The following TSC22D1 variants were observed in gnomAD, a reference collection of about 807,000 sequenced individuals.
The protein encoded by TSC22D1 is TSC22 domain family member 1.
In TSC22D1, 9 loss-of-function variants were observed where a neutral mutation model predicts 74.2. The observed-to-expected ratio is 0.12, with a 90% CI of 0.07 to 0.21. TSC22D1 has a LOEUF of 0.21. Ranked by LOEUF, TSC22D1 falls within the 10% of genes least tolerant of loss-of-function variation. The pLI is 1.00. For missense variants in TSC22D1, 1,427 were observed against 1,304.7 expected (o/e 1.09, Z -1.44); for synonymous variants, 586 against 492.5 (o/e 1.19, Z -2.51).
chr13:44,517,385 T>G (rs1880046657), intron 1 of TSC22D1, among the ~76,000 whole-genome samples: 1 of 150,400 alleles, frequency 6.6e-6, no homozygotes, highest in Non-Finnish European at 1.5e-5. Context: ...TCACAAAAAT[T>G]GGGTAAAGAT....
intron 1 of TSC22D1, among the ~76,000 whole-genome samples, chr13:44,564,059 A>G (rs1883212392): frequency 6.6e-6 from 1 of 152,196 alleles, no homozygotes; most frequent in Non-Finnish European, 1.5e-5. Context: ...TAAATCAGTT[A>G]ATTCTCTCTT....
intron 1 of TSC22D1, among the ~76,000 whole-genome samples, chr13:44,508,471 A>G (rs1380316614): frequency 2.0e-5 from 3 of 152,192 alleles, no homozygotes; most frequent in African/African-American, 7.2e-5. Flanking sequence ...TTTTTTAAAA[A>G]AAGGAAACGA....
intron 1 of TSC22D1, among the ~76,000 whole-genome samples, chr13:44,510,510 T>G (rs1688863745): frequency 6.6e-6 from 1 of 152,238 alleles, no homozygotes; most frequent in Non-Finnish European, 1.5e-5. Flanking sequence ...TGAATGTTCT[T>G]CACAGCACTA....
Position 44,567,760 on chromosome 13 carries a change from G to A in TSC22D1, c.2912+5403C>T, listed in dbSNP as rs4942342. ...ATCCAAATAAGAGGAGTTTAAGAGAGAAAAAATAGAAAGACATAATCAACA... is the reference window on the plus strand; with the variant it reads ...ATCCAAATAAGAGGAGTTTAAGAGAAAAAAAATAGAAAGACATAATCAACA... On this transcript the variant is annotated intron_variant, in intron 1 of 2. Transcript: ENST00000458659. Among the ~76,000 whole-genome samples, 3 of 151,866 alleles carry A rather than the reference G, an allele frequency of 2.0e-5. 1 individual carries two copies. The highest frequency in any genetic ancestry group is 6.3e-3 in the Middle Eastern group (2 of 316).
intron 1 of TSC22D1, among the ~76,000 whole-genome samples, chr13:44,506,083 T>C (rs915884709): frequency 6.6e-6 from 1 of 152,190 alleles, no homozygotes; most frequent in Admixed American, 6.5e-5. Flanking sequence ...TCCATGCTTC[T>C]AACCACTCTG....
intron 1 of TSC22D1, among the ~76,000 whole-genome samples, chr13:44,463,244 G>T (rs1877098751): frequency 6.6e-6 from 1 of 152,060 alleles, no homozygotes; most frequent in Non-Finnish European, 1.5e-5. Context: ...AAAGCTACAT[G>T]GTATTTCCTA....
At chr13:44,538,298 A>G (rs1881267576) in intron 1 of TSC22D1, 1 of 985,238 alleles carries the variant, frequency 1.0e-6, no homozygotes, top group Non-Finnish European at 1.2e-6. Flanking sequence ...TTGATTTGAC[A>G]ATTATAATAA....
chr13:44,498,508 A>G (rs1252010229), intron 1 of TSC22D1, among the ~76,000 whole-genome samples: 1 of 152,116 alleles, frequency 6.6e-6, no homozygotes, highest in African/African-American at 2.4e-5. Flanking sequence ...CCATGCTTGG[A>G]TAATGGTTGG....
intron 1 of TSC22D1, among the ~76,000 whole-genome samples, chr13:44,507,784 T>G (rs1419335669): frequency 6.6e-6 from 1 of 152,182 alleles, no homozygotes; most frequent in Non-Finnish European, 1.5e-5. Context: ...CAACTCCCCA[T>G]GTTTGCATTC....
At chr13:44,437,863 G>A (rs767721179) in intron 1 of TSC22D1, among the ~76,000 whole-genome samples, 2 of 152,140 alleles carry the variant, frequency 1.3e-5, no homozygotes, top group Non-Finnish European at 2.9e-5. Flanking sequence ...CCAGAAAAGG[G>A]AGGATATAAT....
At chr13:44,444,454 T>C in intron 1 of TSC22D1, among the ~76,000 whole-genome samples, 1 of 151,516 alleles carries the variant, frequency 6.6e-6, no homozygotes, top group East Asian at 1.9e-4. Context: ...ACTTTAAATA[T>C]AAAAACACAA....
Position 44,574,045 on chromosome 13 carries a change from A to C in TSC22D1, c.2030T>G (p.Val677Gly). 6.2e-7 allele frequency: 1 copy of C among 1,614,066 alleles called. No homozygotes were observed. The highest frequency in any genetic ancestry group is 1.3e-5 in the African/African-American group (1 of 75,020). ...MSSGQPSSAG[V>G]GAGTTVIPVA... ...AGGAATCACTGTTGTTCCTGCTCCT[A>C]CTCCTGCAGAACTGGGCTGTCCGGA... The change falls in exon 1 of 3, where the codon GTA becomes GGA. Residue 677 changes from valine to glycine, a missense_variant. Physicochemically the swap from Val to Gly is moderately radical, Grantham distance 109. Around this residue, in one of 3 missense-constraint regions of TSC22D1, gnomAD observed 1,343 missense variants for 1,191.5 expected, o/e 1.13. Coordinates refer to ENST00000458659, the MANE Select transcript of TSC22D1 (RefSeq NM_183422.4).
Position 44,433,766 on chromosome 13 carries a change from T to C in TSC22D1, c.*860A>G. 1.9e-6 allele frequency: 1 copy of C among 522,734 alleles called. No individual in the cohort carries two copies. Among genetic ancestry groups the C allele is most frequent in the Non-Finnish European group, 3.3e-6 (1 of 303,814 alleles). The allele number at this position is 522,734 out of a possible 1,614,324, so 32.4% of individuals were successfully genotyped here. ...GATTTACTTCAGCGTATTCAGCAGC[T>C]AGATTTCAGATTACACAAAGTGAGT... On this transcript the variant is annotated 3_prime_UTR_variant, in exon 3 of 3. Coordinates refer to ENST00000458659, the MANE Select transcript of TSC22D1 (RefSeq NM_183422.4).
intron 1 of TSC22D1, chr13:44,437,058 G>A (rs553657313): frequency 2.1e-6 from 2 of 973,554 alleles, no homozygotes; most frequent in Admixed American, 6.1e-5. Context: ...GTGCTCAGAG[G>A]GAGTGGGGTG....
At chr13:44,446,803 A>AGGAGGAAG (rs1566115894) in intron 1 of TSC22D1, among the ~76,000 whole-genome samples, 1 of 140,286 alleles carries the variant, frequency 7.1e-6, no homozygotes, top group African/African-American at 2.7e-5. Flanking sequence ...GGAGGAGGAA[A>AGGAGGAAG]AGGAGGAGGA....
At chr13:44,502,935 T>C (rs960798407) in intron 1 of TSC22D1, among the ~76,000 whole-genome samples, 2 of 152,228 alleles carry the variant, frequency 1.3e-5, no homozygotes, top group Non-Finnish European at 2.9e-5. Flanking sequence ...CTGCAAACTA[T>C]TTAAAGTAAG....
intron 1 of TSC22D1, among the ~76,000 whole-genome samples, chr13:44,479,439 C>T (rs186140617): frequency 7.5e-4 from 114 of 152,088 alleles, no homozygotes; most frequent in African/African-American, 2.7e-3. Flanking sequence ...TTGGACACCC[C>T]TACTCTAAAC....
At chr13:44,535,691 A>G (rs1881095940) in intron 1 of TSC22D1, among the ~76,000 whole-genome samples, 1 of 152,024 alleles carries the variant, frequency 6.6e-6, no homozygotes, top group African/African-American at 2.4e-5. Context: ...ACAGATTTTT[A>G]TACTATAGTT....
chr13:44,477,142 G>A (rs1877955614), intron 1 of TSC22D1, among the ~76,000 whole-genome samples: 4 of 151,946 alleles, frequency 2.6e-5, no homozygotes, highest in South Asian at 4.1e-4. Context: ...TAGTAGAGAC[G>A]GGGTTTCACC....
Sources: allele counts gnomAD v4.1 joint callset (sites outside exome capture counted in the v4.1 genomes callset), GRCh38; gene constraint gnomAD v4.1.1; regional missense constraint gnomAD v4.1.1; transcripts MANE v1.5; gene names NCBI Gene and HGNC (gene_info 2026-07-23, HGNC 2026-07-21).